Variants in TMC1 observed in about 807,000 individuals in gnomAD.
The protein encoded by TMC1 is transmembrane channel-like protein 1.
A neutral mutation model predicts 105.8 loss-of-function variants in TMC1; 84 were observed. The observed-to-expected ratio is 0.79, with a 90% confidence interval of 0.67 to 0.95. The LOEUF (loss-of-function observed/expected upper bound fraction) is 0.95. Ranked by LOEUF, TMC1 falls within the 40% of genes least tolerant of loss-of-function variation. TMC1 has a pLI of 0.00. For synonymous variants in TMC1, 315 were observed against 311.5 expected (o/e 1.01, Z -0.12); for missense variants, 817 against 914.1 (o/e 0.89, Z 1.37).
At chr9:72,655,716 C>G (rs555958594) in intron 5 of TMC1, 2 of 430,480 alleles carry the variant, frequency 4.6e-6, no homozygotes, top group Admixed American at 6.9e-5. Flanking sequence ...CACTCCAGCC[C>G]GGGCGACAGA....
chr9:72,737,670 T>G, intron 8 of TMC1, among the ~76,000 whole-genome samples: 1 of 152,156 alleles, frequency 6.6e-6, no homozygotes, highest in East Asian at 1.9e-4. Flanking sequence ...GTTCACCATT[T>G]TAGAAAGTGC....
intron 5 of TMC1, among the ~76,000 whole-genome samples, chr9:72,662,191 C>CTTT (rs71359511): frequency 7.1e-6 from 1 of 141,534 alleles, no homozygotes; most frequent in South Asian, 2.3e-4. Flanking sequence ...TTTTCTTTTT[C>CTTT]TTTTTTTTTT....
Position 72,792,219 on chromosome 9 carries a change from A to G in TMC1, c.1433A>G (p.Asn478Ser), listed in dbSNP as rs1467966798. 13 of 1,614,048 alleles carry G rather than the reference A, an allele frequency of 8.1e-6. No homozygotes were observed. The highest frequency in any genetic ancestry group is 1.1e-5 in the Non-Finnish European group (13 of 1,180,028). The stretch of plus-strand genomic sequence containing the variant: ...GAAGAGGAGAAGCTAGTAAAGGCCA[A>G]TATTACCCTTTGGGAAGCCAATATG... ...KIEEEKLVKANITLWEANMIK... is the reference protein window; with the variant it reads ...KIEEEKLVKASITLWEANMIK... Residue 478 changes from asparagine (N) to serine (S), a missense_variant, in exon 17 of 24, where the codon AAT becomes AGT. Physicochemically the swap from Asn to Ser is conservative, Grantham distance 46 (BLOSUM62 1). Transcript: ENST00000297784.
rs1446953320 is a variant in TMC1 at position 72,742,448 on chromosome 9, G to A, written c.458G>A (p.Trp153Ter). The A allele has an allele frequency of 3.7e-6, 6 of 1,613,772 alleles. No homozygotes were observed. The highest frequency in any genetic ancestry group is 5.1e-6 in the Non-Finnish European group (6 of 1,179,760). The part of the protein sequence containing the change: ...FAFKMMMAKK[W>*]AKFLRDFENF... Reference sequence around the variant, plus strand: ...TGTATTTGACTTTCTTTTCAGAAATGGGCAAAATTCCTCCGTGATTTTGAG... The same window carrying A: ...TGTATTTGACTTTCTTTTCAGAAATAGGCAAAATTCCTCCGTGATTTTGAG... Residue 153 changes from tryptophan to a stop codon, truncating the protein, a stop_gained, in exon 10 of 24, where the codon TGG (tryptophan) becomes TAG (stop). Coordinates refer to ENST00000297784, the MANE Select transcript of TMC1 (RefSeq NM_138691.3). LOFTEE classifies it high-confidence loss of function.
intron 7 of TMC1, among the ~76,000 whole-genome samples, chr9:72,698,145 A>G (rs1471802271): frequency 6.6e-6 from 1 of 152,176 alleles, no homozygotes; most frequent in Non-Finnish European, 1.5e-5. Flanking sequence ...AACACCAAAT[A>G]ATGAAAATAG....
Position 72,836,002 on chromosome 9 carries a change from C to G in TMC1, c.*29C>G. ...GTATCCTGAGAGCCCAGAAAAGGTA[C>G]ACTTTGCCTTGCTGTTTAAAAGTAA... On this transcript the variant is annotated 3_prime_UTR_variant, in exon 24 of 24. Transcript: ENST00000297784. 1 of 1,485,108 alleles carries G rather than the reference C, an allele frequency of 6.7e-7. No homozygotes were observed. Among genetic ancestry groups the G allele is most frequent in the Non-Finnish European group, 9.1e-7 (1 of 1,102,616 alleles). 92.0% of individuals were successfully genotyped at this position (1,485,108 alleles called of 1,614,324 possible). A position where few individuals can be genotyped will look rare whatever the true frequency, so the allele number is the denominator to read the frequency against.
intron 6 of TMC1, among the ~76,000 whole-genome samples, chr9:72,693,643 T>A (rs1826504473): frequency 6.6e-6 from 1 of 152,194 alleles, no homozygotes; most frequent in African/African-American, 2.4e-5. Flanking sequence ...AGAGTAATGA[T>A]AACTGTAATA....
intron 17 of TMC1, among the ~76,000 whole-genome samples, chr9:72,797,109 C>T (rs1828384369): frequency 6.6e-6 from 1 of 152,118 alleles, no homozygotes; most frequent in South Asian, 2.1e-4. Context: ...AATGAACTCA[C>T]ATCTACAATT....
At chr9:72,595,361 C>T (rs1824701785) in intron 2 of TMC1, among the ~76,000 whole-genome samples, 1 of 152,200 alleles carries the variant, frequency 6.6e-6, no homozygotes, top group South Asian at 2.1e-4. Flanking sequence ...TCTTATTTCA[C>T]TAAGATACAG....
At chr9:72,806,244 C>A (rs1393011589) in intron 18 of TMC1, among the ~76,000 whole-genome samples, 11 of 146,108 alleles carry the variant, frequency 7.5e-5, no homozygotes, top group African/African-American at 2.2e-4. Flanking sequence ...ACCTCCCTCC[C>A]GGATGGGGCG....
At chr9:72,587,868 C>CTTTGCTTCCCAGGTTTAAGTGA (rs1346811074) in intron 2 of TMC1, among the ~76,000 whole-genome samples, 2 of 151,740 alleles carry the variant, frequency 1.3e-5, no homozygotes, top group African/African-American at 4.8e-5. Context: ...TCACTGCAAC[C>CTTTGCTTCCCAGGTTTAAGTGA]TTTGCTTCCC....
At chr9:72,833,073 T>A (rs961704886) in intron 23 of TMC1, among the ~76,000 whole-genome samples, 1 of 152,168 alleles carries the variant, frequency 6.6e-6, no homozygotes, top group Non-Finnish European at 1.5e-5. Context: ...ACAATGGATA[T>A]AATAATTTTA....
At chr9:72,729,774 C>T (rs1487940385) in intron 8 of TMC1, among the ~76,000 whole-genome samples, 1 of 152,116 alleles carries the variant, frequency 6.6e-6, no homozygotes, top group Non-Finnish European at 1.5e-5. Flanking sequence ...AAGAGAAAAA[C>T]ATAACACATT....
chr9:72,757,156 T>C (rs1454445619), intron 12 of TMC1, among the ~76,000 whole-genome samples: 1 of 152,326 alleles, frequency 6.6e-6, no homozygotes, highest in East Asian at 1.9e-4. Flanking sequence ...TTTTATTCAC[T>C]TACAGGCTTG....
At chr9:72,683,588 C>T (rs1158667483) in intron 5 of TMC1, among the ~76,000 whole-genome samples, 4 of 149,610 alleles carry the variant, frequency 2.7e-5, no homozygotes, top group Admixed American at 2.0e-4. Context: ...CTCTTTTTTT[C>T]CCCCTTGAGA....
At chr9:72,607,002 T>G (rs10781104) in intron 2 of TMC1, among the ~76,000 whole-genome samples, 70,563 of 134,628 alleles carry the variant, frequency 0.52, 18,471 homozygotes, top group East Asian at 0.65. Context: ...TATATATATA[T>G]AGAGAGAGAG....
Position 72,792,242 on chromosome 9 carries a change from A to G in TMC1, c.1456A>G (p.Met486Val). 6.2e-7 allele frequency: 1 copy of G among 1,614,174 alleles called. No homozygotes were observed. Among genetic ancestry groups the G allele is most frequent in the Non-Finnish European group, 8.5e-7 (1 of 1,180,008 alleles). Reference sequence around the variant, plus strand: ...CAATATTACCCTTTGGGAAGCCAATATGATCAAGGCCTACAATGCATCATT... The same window carrying G: ...CAATATTACCCTTTGGGAAGCCAATGTGATCAAGGCCTACAATGCATCATT... ...KANITLWEAN[M>V]IKAYNASFSE... The change falls in exon 17 of 24, where the codon ATG becomes GTG. Residue 486 changes from methionine (M) to valine (V), a missense_variant. Met to Val is a conservative substitution (Grantham distance 21). Coordinates refer to ENST00000297784, the MANE Select transcript of TMC1 (RefSeq NM_138691.3).
intron 2 of TMC1, among the ~76,000 whole-genome samples, chr9:72,615,797 G>A (rs934022489): frequency 2.0e-4 from 30 of 149,260 alleles, no homozygotes; most frequent in Non-Finnish European, 3.8e-4. Context: ...TCAGTCGCTC[G>A]GGCTGGAGTT....
intron 2 of TMC1, among the ~76,000 whole-genome samples, chr9:72,583,141 G>C (rs1824499719): frequency 6.6e-6 from 1 of 152,154 alleles, no homozygotes; most frequent in South Asian, 2.1e-4. Context: ...AGAATCACTT[G>C]AACCTGGGAG....
Sources: gnomAD v4.1 joint callset for allele counts (sites outside exome capture counted in the v4.1 genomes callset) on GRCh38, gnomAD v4.1.1 for gene constraint, MANE v1.5 for transcripts, NCBI Gene and HGNC (gene_info 2026-07-23, HGNC 2026-07-21) for gene names.